The following PCDHGB2 variants were observed in gnomAD, a reference collection of about 807,000 sequenced individuals.
The protein encoded by PCDHGB2 is protocadherin gamma subfamily B, 2.
Under a neutral mutation model 59.3 loss-of-function variants are expected in PCDHGB2, and 55 were observed. The observed-to-expected ratio is 0.93, with a 90% CI of 0.75 to 1.16. PCDHGB2 has a LOEUF of 1.16. PCDHGB2 is among the 50% of genes most tolerant of loss of function. PCDHGB2 has a pLI of 0.00. For missense variants in PCDHGB2, 1,228 were observed against 1,198.5 expected, an observed-to-expected ratio of 1.02 and a Z score of -0.36; for synonymous variants, 516 against 512.0, an observed-to-expected ratio of 1.01 and a Z score of -0.11.
At chr5:141,410,697 T>G in intron 1 of PCDHGB2, 1 of 1,489,152 alleles carries the variant, frequency 6.7e-7, no homozygotes, top group Non-Finnish European at 9.0e-7. Context: ...TACTTTATTT[T>G]CATATCTAGA....
chr5:141,418,986 C>T, intron 1 of PCDHGB2: 1 of 1,613,930 alleles, frequency 6.2e-7, no homozygotes, highest in Non-Finnish European at 8.5e-7. Context: ...GACCAAGACT[C>T]AGGGGAAAAT....
rs189824439 is a variant in PCDHGB2 at position 141,393,729 on chromosome 5, A to G, written c.2421+31173A>G. ...TACTGGGGAAATATCAATAGCAAAA[A>G]GTCTAGATTATGAAGAATGTTCATT... On this transcript the variant is annotated intron_variant, in intron 1 of 3. Transcript: ENST00000522605. 7.2e-4 allele frequency: 1,163 copies of G among 1,613,856 alleles called. 2 individuals carry two copies. Among genetic ancestry groups the G allele is most frequent in the Non-Finnish European group, 7.9e-4 (934 of 1,179,868 alleles).
chr5:141,457,335 A>G (rs2098917073), intron 1 of PCDHGB2, among the ~76,000 whole-genome samples: 1 of 152,172 alleles, frequency 6.6e-6, no homozygotes, highest in Admixed American at 6.5e-5. Flanking sequence ...CAGGTACCTT[A>G]CTTACTTTCA....
At chr5:141,378,814 T>C (rs915920148) in intron 1 of PCDHGB2, 6 of 152,232 alleles carry the variant, frequency 3.9e-5, no homozygotes, top group Non-Finnish European at 8.8e-5. Flanking sequence ...AACAGAATCA[T>C]TGTTTCATGA....
At chr5:141,427,304 C>G in intron 1 of PCDHGB2, 1 of 456,910 alleles carries the variant, frequency 2.2e-6, no homozygotes. Flanking sequence ...ATGAGAATGA[C>G]AATGCCCCAG....
Position 141,487,315 on chromosome 5 carries a change from G to T in PCDHGB2, c.2422-7492G>T, listed in dbSNP as rs568326280. 11 of 1,614,166 alleles carry T rather than the reference G, an allele frequency of 6.8e-6. No individual in the cohort carries two copies. In the South Asian group the frequency reaches 1.2e-4, roughly 18 times the overall value. ...GCTCATTCGTGGCACTACTCTCTAA[G>T]TGTCTTCGTGGGGCAGCCTGTGGAG... On this transcript the variant is annotated intron_variant, in intron 1 of 3. Transcript: ENST00000522605. The surrounding 1 kb of genome is among the most constrained non-coding windows in gnomAD (Gnocchi z 5.0).
intron 1 of PCDHGB2, among the ~76,000 whole-genome samples, chr5:141,386,239 T>C (rs940209503): frequency 2.0e-5 from 3 of 152,238 alleles, no homozygotes; most frequent in Non-Finnish European, 2.9e-5. Flanking sequence ...AAAAATTCAG[T>C]TGGAAATAAC....
intron 1 of PCDHGB2, chr5:141,400,723 C>A (rs1317017521): frequency 6.1e-6 from 4 of 660,798 alleles, no homozygotes; most frequent in Non-Finnish European, 7.7e-6. Flanking sequence ...TATAGATTTA[C>A]AAAGTAGTGA....
At position 141,487,855 on chromosome 5, in the gene PCDHGB2, A is replaced by T; in HGVS notation, c.2422-6952A>T. 1 of 974,210 alleles carries T rather than the reference A, an allele frequency of 1.0e-6. No homozygotes were observed. 60.3% of individuals were successfully genotyped at this position (974,210 alleles called of 1,614,324 possible). A position where few individuals can be genotyped will look rare whatever the true frequency, so the allele number is the denominator to read the frequency against. On this transcript the variant is annotated intron_variant, in intron 1 of 3. Coordinates refer to ENST00000522605, the MANE Select transcript of PCDHGB2 (RefSeq NM_018923.3). This position sits in a 1 kb window ranked among gnomAD's most constrained non-coding sequence, Gnocchi z 5.0. Reference sequence around the variant, plus strand: ...TATATCTGAGTAAGAAATGAAAGTAATTGGTGATCAAGAGCCAGGCTGTTG... The same window carrying T: ...TATATCTGAGTAAGAAATGAAAGTATTTGGTGATCAAGAGCCAGGCTGTTG...
intron 1 of PCDHGB2, among the ~76,000 whole-genome samples, chr5:141,373,247 G>A (rs558862045): frequency 1.3e-5 from 2 of 152,208 alleles, no homozygotes; most frequent in African/African-American, 4.8e-5. Context: ...ACTTCCCTTT[G>A]CATGTTTTTA....
intron 1 of PCDHGB2, among the ~76,000 whole-genome samples, chr5:141,397,821 T>C (rs1225096146): frequency 2.0e-5 from 3 of 152,238 alleles, no homozygotes; most frequent in African/African-American, 7.2e-5. Context: ...AAACAATTAC[T>C]GCACTGGTTA....
At chr5:141,372,551 C>T (rs758593544) in intron 1 of PCDHGB2, 2 of 1,614,030 alleles carry the variant, frequency 1.2e-6, no homozygotes, top group South Asian at 1.1e-5. Flanking sequence ...GATGCTCCTC[C>T]AGACCCGCCA....
At chr5:141,395,926 A>G (rs2093327122) in intron 1 of PCDHGB2, 1 of 152,218 alleles carries the variant, frequency 6.6e-6, no homozygotes, top group South Asian at 2.1e-4. Flanking sequence ...TCTAAAGCCT[A>G]GAATGTCCAT....
At chr5:141,419,668 G>A (rs752237614) in intron 1 of PCDHGB2, 1 of 1,612,892 alleles carries the variant, frequency 6.2e-7, no homozygotes, top group East Asian at 2.2e-5. Context: ...ACAATGCCTG[G>A]CTGTCCTACC....
chr5:141,371,086 T>C (rs1767472872), intron 1 of PCDHGB2: 2 of 1,613,836 alleles, frequency 1.2e-6, no homozygotes, highest in Admixed American at 3.3e-5. Context: ...ATCAGGGTAA[T>C]TGTCGCAGAT....
At chr5:141,444,205 CTT>C in intron 1 of PCDHGB2, among the ~76,000 whole-genome samples, 1 of 77,932 alleles carries the variant, frequency 1.3e-5, no homozygotes. Context: ...GAGTTTCACT[CTT>C]GTTGCCCAGG....
intron 1 of PCDHGB2, chr5:141,409,191 A>G: frequency 1.2e-6 from 2 of 1,613,970 alleles, no homozygotes; most frequent in African/African-American, 2.7e-5. Flanking sequence ...CTCTCTACCC[A>G]GTGTAAAGTA....
At chr5:141,482,528 T>C (rs945815289) in intron 1 of PCDHGB2, among the ~76,000 whole-genome samples, 1 of 56,520 alleles carries the variant, frequency 1.8e-5, no homozygotes, top group Non-Finnish European at 2.8e-5. Flanking sequence ...GAGACAGACA[T>C]GCAAAAAAAA....
At position 141,511,572 on chromosome 5, in the gene PCDHGB2, T is replaced by C. The variant is rs1366960269; in HGVS notation, c.*399T>C. The C allele has an allele frequency of 1.0e-5, 3 of 289,550 alleles. No homozygotes were observed. The East Asian group carries it at 2.4e-4, about 23-fold the overall frequency. 17.9% of individuals were successfully genotyped at this position (289,550 alleles called of 1,614,324 possible). ...AACAGTTCCTCTTTCCCGAGTAAGG[T>C]GGTTGGGGTGTTGAAGTACCAAGTA... On this transcript the variant is annotated 3_prime_UTR_variant, in exon 4 of 4. Coordinates refer to ENST00000522605, the MANE Select transcript of PCDHGB2 (RefSeq NM_018923.3).
Sources: allele counts gnomAD v4.1 joint callset (sites outside exome capture counted in the v4.1 genomes callset), GRCh38; gene constraint gnomAD v4.1.1; non-coding constraint Gnocchi (gnomAD v3.1); transcripts MANE v1.5; gene names NCBI Gene and HGNC (gene_info 2026-07-23, HGNC 2026-07-21).